GNB1: variants seen among roughly 807,000 people sequenced by gnomAD.
GNB1 encodes guanine nucleotide-binding protein G(I)/G(S)/G(T) subunit beta-1.
In GNB1, 2 loss-of-function variants were observed where a neutral mutation model predicts 42.9. The ratio of observed to expected loss-of-function variants is 0.05; its 90% confidence interval spans 0.02 to 0.15. GNB1 has a LOEUF of 0.15. Among genes scored for constraint, GNB1 ranks in the 10% least tolerant of loss-of-function variants. The pLI is 1.00. For synonymous variants in GNB1, 183 were observed against 174.7 expected (o/e 1.05, Z -0.38); for missense variants, 193 against 462.2 (o/e 0.42, Z 5.34).
chr1:1,881,350 A>G (rs1449561081), intron 1 of GNB1, among the ~76,000 whole-genome samples: 1 of 152,092 alleles, frequency 6.6e-6, no homozygotes, highest in Non-Finnish European at 1.5e-5. Context: ...ACTACCAAGT[A>G]ATGATCCCCA....
chr1:1,789,751 G>A (rs1286862324), intron 9 of GNB1, among the ~76,000 whole-genome samples: 2 of 151,774 alleles, frequency 1.3e-5, no homozygotes, highest in African/African-American at 4.8e-5. Context: ...GGACTGGGAT[G>A]GGAGGGGATT....
At chr1:1,854,504 G>A (rs973494446) in intron 1 of GNB1, among the ~76,000 whole-genome samples, 1 of 152,164 alleles carries the variant, frequency 6.6e-6, no homozygotes, top group African/African-American at 2.4e-5. Flanking sequence ...AAAAGGTAGA[G>A]GAAGGGGACC....
intron 1 of GNB1, among the ~76,000 whole-genome samples, chr1:1,844,782 T>C (rs1043368218): frequency 6.6e-6 from 1 of 152,230 alleles, no homozygotes; most frequent in Non-Finnish European, 1.5e-5. Context: ...TTATGTTTAC[T>C]ACAAACTTTG....
intron 2 of GNB1, among the ~76,000 whole-genome samples, chr1:1,836,975 T>C (rs1647159964): frequency 6.7e-6 from 1 of 150,134 alleles, no homozygotes; most frequent in Non-Finnish European, 1.5e-5. Context: ...GTGTTAGCCA[T>C]AGTACCTAGC....
intron 10 of GNB1, chr1:1,788,470 G>A (rs919428579): frequency 6.4e-6 from 1 of 155,184 alleles, no homozygotes; most frequent in Non-Finnish European, 1.4e-5. Context: ...GGGAGAAAAA[G>A]AAATGTGTTT....
chr1:1,832,162 TA>T (rs1557911863), intron 2 of GNB1: 1 of 152,256 alleles, frequency 6.6e-6, no homozygotes, highest in Non-Finnish European at 1.5e-5. Flanking sequence ...GTTTTTCTAC[TA>T]AACGTAATAT....
chr1:1,866,908 C>A (rs1041406763), intron 1 of GNB1, among the ~76,000 whole-genome samples: 1 of 151,682 alleles, frequency 6.6e-6, no homozygotes, highest in Non-Finnish European at 1.5e-5. Context: ...GAGCTGAGAT[C>A]GCGCCACTGC....
chr1:1,828,031 G>T (rs894045491), intron 2 of GNB1, among the ~76,000 whole-genome samples: 1 of 152,154 alleles, frequency 6.6e-6, no homozygotes, highest in Non-Finnish European at 1.5e-5. Context: ...CTTCAAAAAT[G>T]ATGTTCCGGC....
intron 1 of GNB1, among the ~76,000 whole-genome samples, chr1:1,883,146 C>G (rs941944637): frequency 4.0e-5 from 6 of 151,658 alleles, no homozygotes; most frequent in African/African-American, 1.5e-4. Context: ...GTGGCATGTG[C>G]CCGTGGTCCT....
rs902590254 is a variant in GNB1 at position 1,823,119 on chromosome 1, A to G, written c.57+2278T>C. 1.1e-4 allele frequency among the ~76,000 whole-genome samples: 16 copies of G among 151,738 alleles called. 1 individual carries two copies. The highest frequency in any genetic ancestry group is 3.9e-4 in the African/African-American group (16 of 41,386). On this transcript the variant is annotated intron_variant, in intron 3 of 11. Coordinates refer to ENST00000378609, the MANE Select transcript of GNB1 (RefSeq NM_002074.5). Reference sequence around the variant, plus strand: ...TAGCCGGGTGTGGTGGCGGGCGCCTATAGTCCCAGCTCCTCAGGAGGCCGA... The same window carrying G: ...TAGCCGGGTGTGGTGGCGGGCGCCTGTAGTCCCAGCTCCTCAGGAGGCCGA...
chr1:1,787,532 A>C lies in GNB1; in HGVS notation c.917-95T>G. The C allele has an allele frequency of 2.7e-6, 2 of 728,544 alleles. No homozygotes were observed. Among genetic ancestry groups the C allele is most frequent in the Non-Finnish European group, 4.7e-6 (2 of 425,166 alleles). The allele number at this position is 728,544 out of a possible 1,614,324, so 45.1% of individuals were successfully genotyped here. On this transcript the variant is annotated intron_variant, in intron 10 of 11. Coordinates refer to ENST00000378609, the MANE Select transcript of GNB1 (RefSeq NM_002074.5). This position sits in a 1 kb window ranked among gnomAD's most constrained non-coding sequence, Gnocchi z 4.4. ...GACGAGGACGGATGGTGCATCTCTCATGGGACAAGACCCAGAGTCTCCCAC... is the reference window on the plus strand; with the variant it reads ...GACGAGGACGGATGGTGCATCTCTCCTGGGACAAGACCCAGAGTCTCCCAC...
In GNB1 at chr1:1,786,445, A is replaced by C. The variant is rs56240647; in HGVS notation, c.*618T>G. The stretch of plus-strand genomic sequence containing the variant: ...TTTCTATGCCACGTTTGTGTGCAAC[A>C]ATGATCTGTGACATCAGACAGAAAA... On this transcript the variant is annotated 3_prime_UTR_variant, in exon 12 of 12. Coordinates refer to ENST00000378609, the MANE Select transcript of GNB1 (RefSeq NM_002074.5). 3.1e-5 allele frequency: 6 copies of C among 194,000 alleles called. No individual in the cohort carries two copies. Among genetic ancestry groups the C allele is most frequent in the Non-Finnish European group, 5.2e-5 (5 of 95,786 alleles). The allele number at this position is 194,000 out of a possible 1,614,324, so 12.0% of individuals were successfully genotyped here.
intron 1 of GNB1, among the ~76,000 whole-genome samples, chr1:1,857,589 T>C (rs975092536): frequency 1.3e-5 from 2 of 151,710 alleles, no homozygotes; most frequent in African/African-American, 4.8e-5. Flanking sequence ...ATGGGTGGAG[T>C]ACCTGAGAAG....
chr1:1,838,262 GCT>G (rs929472178), intron 2 of GNB1, among the ~76,000 whole-genome samples: 5 of 152,042 alleles, frequency 3.3e-5, no homozygotes, highest in African/African-American at 1.2e-4. Flanking sequence ...ATTTAATTTT[GCT>G]TTTTAATTTA....
chr1:1,882,426 C>CAA (rs5772052), intron 1 of GNB1, among the ~76,000 whole-genome samples: 271 of 71,580 alleles, frequency 3.8e-3, no homozygotes, highest in African/African-American at 8.7e-3. Context: ...GACTCCAACT[C>CAA]AAAAAAAAAA....
chr1:1,866,063 CA>C (rs1225889419), intron 1 of GNB1, among the ~76,000 whole-genome samples: 3 of 152,078 alleles, frequency 2.0e-5, no homozygotes, highest in African/African-American at 7.2e-5. Context: ...CTCAGCCTCC[CA>C]AGTAGCTGGG....
chr1:1,866,097 G>A (rs1267488472), intron 1 of GNB1, among the ~76,000 whole-genome samples: 2 of 152,056 alleles, frequency 1.3e-5, no homozygotes, highest in Non-Finnish European at 2.9e-5. Context: ...CACCACCACG[G>A]CCAGCTAATT....
chr1:1,817,763 C>T lies in GNB1; in HGVS notation c.96+74G>A, dbSNP rs116823785. The T allele has an allele frequency of 2.0e-3, 2,108 of 1,046,990 alleles. 37 individuals are homozygous for T. The African/African-American group carries it at 0.03, about 15-fold the overall frequency. 64.9% of individuals were successfully genotyped at this position (1,046,990 alleles called of 1,614,324 possible). On this transcript the variant is annotated intron_variant, in intron 4 of 11. Transcript: ENST00000378609. ...ACAGAGAATGCAAGCAGAGCCCTCCCGAGGCTCCAGGTGTGGGTGCCGTGC... is the reference window on the plus strand; with the variant it reads ...ACAGAGAATGCAAGCAGAGCCCTCCTGAGGCTCCAGGTGTGGGTGCCGTGC...
intron 1 of GNB1, among the ~76,000 whole-genome samples, chr1:1,865,685 T>C (rs1002266675): frequency 2.6e-5 from 4 of 152,202 alleles, no homozygotes; most frequent in African/African-American, 9.7e-5. Context: ...ACAAGGTCTA[T>C]GAAACAGGAG....
Sources: allele counts gnomAD v4.1 joint callset (sites outside exome capture counted in the v4.1 genomes callset), GRCh38; gene constraint gnomAD v4.1.1; non-coding constraint Gnocchi (gnomAD v3.1); transcripts MANE v1.5; gene names NCBI Gene and HGNC (gene_info 2026-07-23, HGNC 2026-07-21).